The following SNTG2 variants were observed in gnomAD, a reference collection of about 807,000 sequenced individuals.
SNTG2 encodes the protein syntrophin gamma 2.
Under a neutral mutation model 70.9 loss-of-function variants are expected in SNTG2, and 74 were observed. That is an observed-to-expected ratio of 1.04 (90% confidence interval 0.86 to 1.27). The LOEUF (loss-of-function observed/expected upper bound fraction) is 1.27, where lower values mean the gene tolerates loss of function less well. SNTG2 is among the 50% of genes most tolerant of loss of function. The pLI is 0.00. For missense variants in SNTG2, 717 were observed against 690.7 expected (o/e 1.04, Z -0.43); for synonymous variants, 278 against 273.8 (o/e 1.02, Z -0.15).
At chr2:1,139,818 C>G (rs568104259) in intron 6 of SNTG2, among the ~76,000 whole-genome samples, 57 of 85,392 alleles carry the variant, frequency 6.7e-4, no homozygotes, top group African/African-American at 2.8e-3. Context: ...TAGAATGAGA[C>G]TCCATCTCAA....
chr2:1,294,285 G>A (rs1680110161), intron 14 of SNTG2, among the ~76,000 whole-genome samples: 1 of 152,156 alleles, frequency 6.6e-6, no homozygotes, highest in Non-Finnish European at 1.5e-5. Context: ...CCAACCCTCA[G>A]GTCCCATTAG....
Position 1,082,453 on chromosome 2 carries a change from C to T in SNTG2, c.73-1065C>T, listed in dbSNP as rs551944195. Among the ~76,000 whole-genome samples, 20 of 152,324 alleles carry T rather than the reference C, an allele frequency of 1.3e-4. No homozygotes were observed. The South Asian group carries it at 3.9e-3, about 30-fold the overall frequency. ...CCTATGTGGCCACAGCCTCATCCTT[C>T]ACACGTGGGGACCTCCCCGTCCGTG... On this transcript the variant is annotated intron_variant, in intron 1 of 16. Coordinates refer to ENST00000308624, the MANE Select transcript of SNTG2 (RefSeq NM_018968.4).
intron 7 of SNTG2, among the ~76,000 whole-genome samples, chr2:1,169,523 C>T (rs190524969): frequency 6.6e-6 from 1 of 152,304 alleles, no homozygotes; most frequent in Admixed American, 6.5e-5. Context: ...GCCTAGAGCC[C>T]CATAGCACTG....
chr2:1,290,316 C>A (rs1456647278), intron 14 of SNTG2, among the ~76,000 whole-genome samples: 1 of 117,772 alleles, frequency 8.5e-6, no homozygotes, highest in Non-Finnish European at 1.9e-5. Context: ...AGTTCTACAT[C>A]CTTTTTTTTT....
rs1445463354 is a variant in SNTG2, at chr2:1,097,587, G to A, written c.211-609G>A. ...GCAAAACATAGGTGCATGGCTTAAT[G>A]CGCAAGAGATTTGGAGATTTTTTAC... On this transcript the variant is annotated intron_variant, in intron 2 of 16. Coordinates refer to ENST00000308624, the MANE Select transcript of SNTG2 (RefSeq NM_018968.4). The surrounding 1 kb of genome is among the most constrained non-coding windows in gnomAD (Gnocchi z 4.1). Among the ~76,000 whole-genome samples, 1 of 152,142 alleles carries A rather than the reference G, an allele frequency of 6.6e-6. No individual in the cohort carries two copies. The highest frequency in any genetic ancestry group is 1.5e-5 in the Non-Finnish European group (1 of 68,024).
chr2:1,178,995 T>G (rs1304826970), intron 8 of SNTG2, among the ~76,000 whole-genome samples: 1 of 152,076 alleles, frequency 6.6e-6, no homozygotes, highest in Non-Finnish European at 1.5e-5. Flanking sequence ...GTTATTGGTC[T>G]ATTCAGAGAT....
intron 4 of SNTG2, among the ~76,000 whole-genome samples, chr2:1,122,649 G>A (rs758836227): frequency 2.0e-5 from 3 of 150,428 alleles, no homozygotes; most frequent in Non-Finnish European, 2.9e-5. Flanking sequence ...AAGATCCTCT[G>A]CAAGACAAGG....
At chr2:1,263,622 C>G (rs1678566276) in intron 13 of SNTG2, among the ~76,000 whole-genome samples, 1 of 152,114 alleles carries the variant, frequency 6.6e-6, no homozygotes, top group South Asian at 2.1e-4. Flanking sequence ...AGAGCTGACC[C>G]TGCCAGGAAG....
chr2:1,129,668 C>T (rs925423390), intron 4 of SNTG2, among the ~76,000 whole-genome samples: 2 of 152,182 alleles, frequency 1.3e-5, no homozygotes, highest in South Asian at 2.1e-4. Context: ...ATATAACTTA[C>T]GGCATTTCAC....
intron 2 of SNTG2, among the ~76,000 whole-genome samples, chr2:1,084,075 C>A (rs539355761): frequency 2.0e-5 from 3 of 152,082 alleles, no homozygotes; most frequent in African/African-American, 7.2e-5. Flanking sequence ...AGAAATACCC[C>A]CAAAAGCCAC....
intron 11 of SNTG2, among the ~76,000 whole-genome samples, chr2:1,240,218 T>C (rs2148112684): frequency 6.6e-6 from 1 of 152,356 alleles, no homozygotes; most frequent in South Asian, 2.1e-4. Context: ...GTGGGTGTTA[T>C]TGCCAGTGGG....
chr2:1,032,025 A>G (rs891008080), intron 1 of SNTG2, among the ~76,000 whole-genome samples: 3 of 152,206 alleles, frequency 2.0e-5, no homozygotes, highest in Non-Finnish European at 4.4e-5. Flanking sequence ...TGGGCTGTAT[A>G]GTATGTGAAT....
intron 14 of SNTG2, among the ~76,000 whole-genome samples, chr2:1,284,355 G>A (rs1409884347): frequency 2.6e-5 from 4 of 152,300 alleles, no homozygotes; most frequent in Non-Finnish European, 5.9e-5. Flanking sequence ...GGTGCTGATA[G>A]GAAGGCGGCA....
intron 2 of SNTG2, among the ~76,000 whole-genome samples, chr2:1,091,054 C>T (rs561535633): frequency 6.6e-6 from 1 of 152,222 alleles, no homozygotes; most frequent in Admixed American, 6.5e-5. Context: ...GGCTGGGGCC[C>T]ATCTCCTGCC....
intron 1 of SNTG2, among the ~76,000 whole-genome samples, chr2:975,422 G>T (rs994617965): frequency 6.6e-6 from 1 of 152,156 alleles, no homozygotes; most frequent in Non-Finnish European, 1.5e-5. Flanking sequence ...CACACACTTG[G>T]ACCCACTCAC....
intron 16 of SNTG2, among the ~76,000 whole-genome samples, chr2:1,330,048 T>G (rs946874309): frequency 6.6e-6 from 1 of 151,794 alleles, no homozygotes; most frequent in African/African-American, 2.4e-5. Context: ...CCTTTTGAGG[T>G]GGGAAAGGAG....
At position 1,144,462 on chromosome 2, in the gene SNTG2, C is replaced by G. The variant is rs1428612250; in HGVS notation, c.411+6653C>G. ...CACCAAGACAGACCACATTCTGGGC[C>G]ATAAAAACACATTTTAACGAATTTA... On this transcript the variant is annotated intron_variant, in intron 6 of 16. Coordinates refer to ENST00000308624, the MANE Select transcript of SNTG2 (RefSeq NM_018968.4). 2.0e-5 allele frequency among the ~76,000 whole-genome samples: 3 copies of G among 152,124 alleles called. No homozygotes were observed. The East Asian group carries it at 5.8e-4, about 29-fold the overall frequency.
intron 9 of SNTG2, among the ~76,000 whole-genome samples, chr2:1,216,382 G>A (rs532822670): frequency 1.5e-3 from 231 of 152,180 alleles, no homozygotes; most frequent in East Asian, 3.3e-3. Context: ...CATGTCCTTC[G>A]CTCACTTTTT....
At chr2:1,227,778 T>A (rs1382844577) in intron 9 of SNTG2, among the ~76,000 whole-genome samples, 1 of 152,230 alleles carries the variant, frequency 6.6e-6, no homozygotes, top group East Asian at 1.9e-4. Flanking sequence ...AGTCAACTTG[T>A]ATAAAATATA....
Sources: allele counts gnomAD v4.1 joint callset (sites outside exome capture counted in the v4.1 genomes callset), GRCh38; gene constraint gnomAD v4.1.1; non-coding constraint Gnocchi (gnomAD v3.1); transcripts MANE v1.5; gene names NCBI Gene and HGNC (gene_info 2026-07-23, HGNC 2026-07-21).